The following SSPN variants were observed in gnomAD, a reference collection of about 807,000 sequenced individuals.
The protein encoded by SSPN is sarcospan.
In SSPN, 15 loss-of-function variants were observed where a neutral mutation model predicts 19.1. The ratio of observed to expected loss-of-function variants is 0.78; its 90% CI spans 0.52 to 1.21. The LOEUF is 1.21. Among genes scored for constraint, SSPN ranks in the 50% most tolerant of loss-of-function variants. The pLI, the probability that SSPN is intolerant of heterozygous loss-of-function variation, is 0.00. For missense variants in SSPN, 291 were observed against 314.0 expected (o/e 0.93, Z 0.55); for synonymous variants, 147 against 140.3 (o/e 1.05, Z -0.34).
chr12:26,169,174 T>C (rs1445636096), intron 1 of SSPN, among the ~76,000 whole-genome samples: 1 of 152,150 alleles, frequency 6.6e-6, no homozygotes, highest in African/African-American at 2.4e-5. Context: ...TCCCAAAGAA[T>C]TGATTCTGTT....
intron 2 of SSPN, 56 bp downstream of exon 2, chr12:26,224,435 A>G: frequency 6.9e-7 from 1 of 1,439,000 alleles, no homozygotes; most frequent in Admixed American, 1.7e-5. Context: ...ATCCAAGTAC[A>G]AAATAAAGGA....
chr12:26,139,412 C>T (rs995642256), intron 1 of SSPN, among the ~76,000 whole-genome samples: 1 of 152,154 alleles, frequency 6.6e-6, no homozygotes, highest in African/African-American at 2.4e-5. Flanking sequence ...TAATAATTTT[C>T]ACATACTGGA....
At chr12:26,184,699 C>T (rs61914465) in intron 1 of SSPN, among the ~76,000 whole-genome samples, 31,162 of 152,090 alleles carry the variant, frequency 0.2, 3,595 homozygotes, top group East Asian at 0.35. Context: ...TAATTAATTT[C>T]TCTTCTAGAT....
At chr12:26,165,364 G>T (rs575091512) in intron 1 of SSPN, among the ~76,000 whole-genome samples, 1 of 152,350 alleles carries the variant, frequency 6.6e-6, no homozygotes, top group African/African-American at 2.4e-5. Context: ...CAGATTTTAA[G>T]ATTGCTAGCT....
intron 1 of SSPN, among the ~76,000 whole-genome samples, chr12:26,171,342 T>C (rs1944652354): frequency 6.6e-6 from 1 of 152,252 alleles, no homozygotes; most frequent in African/African-American, 2.4e-5. Context: ...TACTTCAAAC[T>C]TCATCAGGCA....
chr12:26,144,327 C>G (rs533377116), intron 1 of SSPN, among the ~76,000 whole-genome samples: 8 of 152,148 alleles, frequency 5.3e-5, no homozygotes, highest in Non-Finnish European at 1.2e-4. Flanking sequence ...TGCTGGCCAC[C>G]AGGCTGTAAG....
intron 1 of SSPN, among the ~76,000 whole-genome samples, chr12:26,202,569 A>G (rs969407615): frequency 6.6e-6 from 1 of 152,250 alleles, no homozygotes; most frequent in Non-Finnish European, 1.5e-5. Flanking sequence ...TTTTACGAAG[A>G]AAACAATGGC....
chr12:26,175,842 T>G (rs1415811495), intron 1 of SSPN, among the ~76,000 whole-genome samples: 4 of 114,182 alleles, frequency 3.5e-5, no homozygotes, highest in African/African-American at 6.2e-5. Context: ...ATTTTGAGTT[T>G]TTTTTTTTTT....
At chr12:26,221,573 C>T (rs1469153130) in intron 1 of SSPN, among the ~76,000 whole-genome samples, 2 of 150,746 alleles carry the variant, frequency 1.3e-5, no homozygotes, top group African/African-American at 4.8e-5. Context: ...TTTCTGGAAG[C>T]CAGGGTAAAT....
At chr12:26,170,223 A>G (rs1447509396) in intron 1 of SSPN, among the ~76,000 whole-genome samples, 1 of 152,232 alleles carries the variant, frequency 6.6e-6, no homozygotes, top group Admixed American at 6.5e-5. Context: ...TTGTACACCT[A>G]AGTGTATACA....
intron 1 of SSPN, among the ~76,000 whole-genome samples, chr12:26,188,790 C>T (rs1275443803): frequency 6.6e-6 from 1 of 152,202 alleles, no homozygotes; most frequent in Non-Finnish European, 1.5e-5. Context: ...TTTCTGCACT[C>T]ATGGGACTTA....
intron 1 of SSPN, among the ~76,000 whole-genome samples, chr12:26,219,517 C>T (rs1265324390): frequency 5.3e-5 from 8 of 152,138 alleles, no homozygotes; most frequent in Admixed American, 2.6e-4. Context: ...CCATTTCAGC[C>T]CTGTCTAACT....
chr12:26,141,290 T>G (rs1944459237), intron 1 of SSPN, among the ~76,000 whole-genome samples: 1 of 151,828 alleles, frequency 6.6e-6, no homozygotes, highest in Non-Finnish European at 1.5e-5. Context: ...GGAAGGGAGG[T>G]AAAATCCAAG....
At chr12:26,214,830 G>A (rs1945029044) in intron 1 of SSPN, 1 of 151,846 alleles carries the variant, frequency 6.6e-6, no homozygotes, top group South Asian at 2.1e-4. Context: ...TATAGGAAGG[G>A]GATATCATTC....
chr12:26,199,145 T>C (rs1457405913), intron 1 of SSPN, among the ~76,000 whole-genome samples: 1 of 152,220 alleles, frequency 6.6e-6, no homozygotes, highest in Non-Finnish European at 1.5e-5. Flanking sequence ...CCTGGATATA[T>C]GGGTAAATCC....
chr12:26,128,997 C>G (rs1055680283), intron 1 of SSPN, among the ~76,000 whole-genome samples: 1 of 152,130 alleles, frequency 6.6e-6, no homozygotes, highest in Admixed American at 6.5e-5. Context: ...CCAACAGAAA[C>G]AGAACTTGCC....
intron 1 of SSPN, among the ~76,000 whole-genome samples, chr12:26,217,787 G>T (rs1355767275): frequency 6.6e-6 from 1 of 151,582 alleles, no homozygotes; most frequent in Non-Finnish European, 1.5e-5. Flanking sequence ...TAGCATGAAA[G>T]GTTGTTGAAT....
intron 1 of SSPN, among the ~76,000 whole-genome samples, chr12:26,199,656 GA>G (rs1379111297): frequency 6.6e-6 from 1 of 152,178 alleles, no homozygotes; most frequent in African/African-American, 2.4e-5. Context: ...TCTTATTGAT[GA>G]AAAATGTGTA....
chr12:26,189,084 T>G (rs1944772118), intron 1 of SSPN, among the ~76,000 whole-genome samples: 1 of 152,198 alleles, frequency 6.6e-6, no homozygotes, highest in African/African-American at 2.4e-5. Context: ...GAAGAAATTC[T>G]AACTTCACAT....
Sources: allele counts gnomAD v4.1 joint callset (sites outside exome capture counted in the v4.1 genomes callset), GRCh38; gene constraint gnomAD v4.1.1; transcripts MANE v1.5; gene names NCBI Gene and HGNC (gene_info 2026-07-23, HGNC 2026-07-21).